CLIC5: variants seen among roughly 807,000 people sequenced by gnomAD.
The protein encoded by CLIC5 is chloride intracellular channel protein 5.
CLIC5 carries 20 observed loss-of-function variants against 24.7 expected under a neutral mutation model. The observed-to-expected ratio is 0.81, with a 90% CI of 0.57 to 1.18. The LOEUF (loss-of-function observed/expected upper bound fraction) is 1.18. Among genes scored for constraint, CLIC5 ranks in the 50% most tolerant of loss-of-function variants. The pLI, the probability that CLIC5 is intolerant of heterozygous loss-of-function variation, is 0.00. For missense variants in CLIC5, 341 were observed against 326.1 expected, an observed-to-expected ratio of 1.05 and a Z score of -0.35; for synonymous variants, 159 against 135.6, an observed-to-expected ratio of 1.17 and a Z score of -1.20.
At chr6:46,030,430 T>C (rs1417881262) in intron 1 of CLIC5, among the ~76,000 whole-genome samples, 2 of 152,192 alleles carry the variant, frequency 1.3e-5, no homozygotes, top group Non-Finnish European at 2.9e-5. Flanking sequence ...CTCTTTTGCT[T>C]TCTCTCTTTC....
At chr6:45,888,085 C>T (rs1762320650) in intron 6 of CLIC5, among the ~76,000 whole-genome samples, 1 of 152,192 alleles carries the variant, frequency 6.6e-6, no homozygotes, top group African/African-American at 2.4e-5. Context: ...TGGGTGTTAA[C>T]AGAAGCAGCA....
At chr6:45,957,490 G>C (rs1764684029) in intron 1 of CLIC5, among the ~76,000 whole-genome samples, 1 of 152,110 alleles carries the variant, frequency 6.6e-6, no homozygotes, top group African/African-American at 2.4e-5. Flanking sequence ...CCTGGAGCCA[G>C]CCTGAGGGTC....
chr6:45,947,290 T>G (rs1474935117), intron 3 of CLIC5, among the ~76,000 whole-genome samples: 2 of 152,044 alleles, frequency 1.3e-5, no homozygotes, highest in Non-Finnish European at 2.9e-5. Flanking sequence ...GGTGTGGTAG[T>G]GGTGAGGGAA....
At chr6:45,904,639 T>C (rs150105734) in intron 5 of CLIC5, among the ~76,000 whole-genome samples, 36 of 135,240 alleles carry the variant, frequency 2.7e-4, no homozygotes, top group Non-Finnish European at 4.6e-4. Context: ...CCCTCCCTCT[T>C]TTCTGTCCCT....
intron 3 of CLIC5, 139 bp downstream of exon 3, chr6:45,949,117 C>A: frequency 8.6e-7 from 1 of 1,167,780 alleles, no homozygotes; most frequent in Non-Finnish European, 1.2e-6. Context: ...CCTAGGCTCT[C>A]TCTTTGAAGA....
intron 3 of CLIC5, among the ~76,000 whole-genome samples, chr6:45,942,547 A>G (rs1025227366): frequency 5.3e-5 from 8 of 152,198 alleles, no homozygotes; most frequent in African/African-American, 1.9e-4. Context: ...TCGCCAGGCT[A>G]TCATTATTTT....
At chr6:46,032,854 A>AG (rs1175892653) in intron 1 of CLIC5, among the ~76,000 whole-genome samples, 2 of 146,932 alleles carry the variant, frequency 1.4e-5, no homozygotes, top group African/African-American at 5.2e-5. Flanking sequence ...TTTCCATGTG[A>AG]GGGGAGCAGA....
intron 3 of CLIC5, among the ~76,000 whole-genome samples, chr6:45,944,549 CA>C (rs773971605): frequency 0.016 from 1,010 of 61,412 alleles, 6 homozygotes; most frequent in Middle Eastern, 0.073. Context: ...GGCTTCTCAC[CA>C]AAAAAAAAAA....
intron 1 of CLIC5, among the ~76,000 whole-genome samples, chr6:46,032,522 T>C (rs1767531824): frequency 6.6e-6 from 1 of 152,218 alleles, no homozygotes; most frequent in Non-Finnish European, 1.5e-5. Context: ...TAATTAAGTG[T>C]TGGGGAAAGG....
intron 1 of CLIC5, among the ~76,000 whole-genome samples, chr6:45,965,751 C>T (rs547568650): frequency 3.3e-5 from 5 of 152,312 alleles, no homozygotes; most frequent in Non-Finnish European, 5.9e-5. Context: ...ATGTTTTCCA[C>T]TTAATGAGGC....
At chr6:45,950,300 C>G (rs1289013791) in intron 2 of CLIC5, among the ~76,000 whole-genome samples, 1 of 152,102 alleles carries the variant, frequency 6.6e-6, no homozygotes, top group Non-Finnish European at 1.5e-5. Context: ...GTGGCTCATG[C>G]CTGTAATCCC....
intron 5 of CLIC5, chr6:45,912,361 A>C (rs1298830293): frequency 2.0e-5 from 21 of 1,033,424 alleles, no homozygotes; most frequent in East Asian, 8.0e-5. Context: ...CTCCAAGGAC[A>C]GGGCTTCACT....
At chr6:45,931,981 G>A (rs1032193401) in intron 4 of CLIC5, among the ~76,000 whole-genome samples, 10 of 152,004 alleles carry the variant, frequency 6.6e-5, no homozygotes, top group African/African-American at 1.2e-4. Flanking sequence ...TAATAGTGTC[G>A]TACAATCAAT....
intron 5 of CLIC5, chr6:45,911,587 T>C: frequency 1.0e-6 from 1 of 984,778 alleles, no homozygotes; most frequent in Non-Finnish European, 1.2e-6. Context: ...AAAGTATTTT[T>C]CACAGTGACA....
chr6:45,923,904 TA>T (rs1189858784), intron 4 of CLIC5, among the ~76,000 whole-genome samples: 1 of 152,188 alleles, frequency 6.6e-6, no homozygotes, highest in Non-Finnish European at 1.5e-5. Flanking sequence ...GCAGGTTGCT[TA>T]ACCGGTGCTT....
At position 45,989,939 on chromosome 6, in the gene CLIC5, A is replaced by G. The variant is rs1264461288; in HGVS notation, c.63+25541T>C. 2.6e-5 allele frequency among the ~76,000 whole-genome samples: 4 copies of G among 152,126 alleles called. No homozygotes were observed. In the East Asian group the frequency reaches 5.8e-4, roughly 22 times the overall value. On this transcript the variant is annotated intron_variant, in intron 1 of 5. Coordinates refer to ENST00000339561, the MANE Select transcript of CLIC5 (RefSeq NM_016929.5). ...ATGCACTCTCTCCAGCGACGTCTCC[A>G]TCCATATATGCATCTTTGTTCTTGA... is the stretch of plus-strand genomic sequence containing the variant.
intron 1 of CLIC5, among the ~76,000 whole-genome samples, chr6:45,983,128 T>C (rs1283057501): frequency 6.6e-6 from 1 of 152,214 alleles, no homozygotes; most frequent in Non-Finnish European, 1.5e-5. Flanking sequence ...TGAGAGATCA[T>C]AATGCTCAAC....
intron 4 of CLIC5, among the ~76,000 whole-genome samples, chr6:45,923,169 G>A (rs1446000362): frequency 6.6e-6 from 1 of 152,208 alleles, no homozygotes; most frequent in Non-Finnish European, 1.5e-5. Flanking sequence ...TGTAGTTTAT[G>A]TGGCCAAATG....
chr6:46,023,255 T>C lies in CLIC5; in HGVS notation c.540+56448A>G, dbSNP rs1210633006. On this transcript the variant is annotated intron_variant, in intron 1 of 5. Transcript: ENST00000185206. ...GTTAACATTTGCTTAGAGCTCACCA[T>C]GTGTTGGGAACTCTGAAGTCCTTAT... Among the ~76,000 whole-genome samples, 3 of 152,312 alleles carry C rather than the reference T, an allele frequency of 2.0e-5. No homozygotes were observed. The East Asian group carries it at 5.8e-4, about 29-fold the overall frequency.
Sources: allele counts gnomAD v4.1 joint callset (sites outside exome capture counted in the v4.1 genomes callset), GRCh38; gene constraint gnomAD v4.1.1; transcripts MANE v1.5; gene names NCBI Gene and HGNC (gene_info 2026-07-23, HGNC 2026-07-21).